The following LARP1 variants were observed in gnomAD, a reference collection of about 807,000 sequenced individuals.
LARP1 encodes the protein la-related protein 1.
LARP1 carries 36 observed loss-of-function variants against 122.7 expected under a neutral mutation model. The observed-to-expected ratio is 0.29, with a 90% CI of 0.22 to 0.39. The LOEUF is 0.39. LARP1 is among the 10% of genes least tolerant of loss of function. The pLI is 1.00. For missense variants in LARP1, 1,040 were observed against 1,403.6 expected, an observed-to-expected ratio of 0.74 and a Z score of 4.14; for synonymous variants, 539 against 528.7, an observed-to-expected ratio of 1.02 and a Z score of -0.27.
At position 154,703,120 on chromosome 5, in the gene LARP1, CAAAAAAAAAAAA is replaced by C. The variant is rs757446137; in HGVS notation, c.-180+20099_-180+20110del. 1.3e-4 allele frequency among the ~76,000 whole-genome samples: 5 copies of C among 38,758 alleles called. No homozygotes were observed. In the Admixed American group the frequency reaches 1.3e-3, roughly 10 times the overall value. 25.4% of individuals were successfully genotyped at this position (38,758 alleles called of 152,430 possible). A position where few individuals can be genotyped will look rare whatever the true frequency, so the allele number is the denominator to read the frequency against. On this transcript the variant is annotated intron_variant, in intron 1 of 18. Coordinates refer to the LARP1 transcript ENST00000687700. ...GGGGCAACAGAGTGAGACGCTGTCT[CAAAAAAAAAAAA>C]AAAAAAAAAAAAAAAGAGAGGACAC...
intron 1 of LARP1, among the ~76,000 whole-genome samples, chr5:154,759,178 A>AC (rs1255942617): frequency 1.3e-5 from 2 of 152,028 alleles, no homozygotes; most frequent in Admixed American, 6.6e-5. Flanking sequence ...TTTATGATTC[A>AC]CCTGCCTCAT....
At chr5:154,734,263 TTATTA>T (rs1443079563) in intron 1 of LARP1, among the ~76,000 whole-genome samples, 2 of 152,186 alleles carry the variant, frequency 1.3e-5, no homozygotes, top group African/African-American at 4.8e-5. Context: ...AGTATTACTA[TTATTA>T]TATTGAGATT....
At chr5:154,759,833 G>A (rs936140946) in intron 1 of LARP1, among the ~76,000 whole-genome samples, 4 of 152,172 alleles carry the variant, frequency 2.6e-5, no homozygotes, top group Admixed American at 2.0e-4. Flanking sequence ...GACATTAAAC[G>A]CTTAAAATAG....
chr5:154,801,118 C>G (rs1336156135), intron 10 of LARP1, among the ~76,000 whole-genome samples: 1 of 152,220 alleles, frequency 6.6e-6, no homozygotes, highest in Non-Finnish European at 1.5e-5. Context: ...AGGGAATCTA[C>G]TTTTGAATAA....
chr5:154,703,120 CAA>C (rs757446137), intron 1 of LARP1, among the ~76,000 whole-genome samples: 31 of 38,780 alleles, frequency 8.0e-4, no homozygotes, highest in East Asian at 3.8e-3. Flanking sequence ...GACGCTGTCT[CAA>C]AAAAAAAAAA....
chr5:154,734,955 G>GTAT (rs1756792814), intron 1 of LARP1, among the ~76,000 whole-genome samples: 1 of 152,016 alleles, frequency 6.6e-6, no homozygotes, highest in African/African-American at 2.4e-5. Flanking sequence ...ATTTCATTTA[G>GTAT]CATAATGTCT....
Position 154,803,299 on chromosome 5 carries a change from G to A in LARP1, c.2119G>A (p.Glu707Lys). ...PEYSQIKQEV[E>K]NFKKVNMISR... ...CTCATGACCTCTGCAGCAAGAAGTC[G>A]AGAACTTCAAAAAGGTCAATATGAT... The change falls in exon 12 of 19, where the codon GAG becomes AAG. Residue 707 changes from glutamate to lysine, a missense_variant. Transcript: ENST00000518297. The surrounding 1 kb of genome is among the most constrained non-coding windows in gnomAD (Gnocchi z 4.4). 6.2e-7 allele frequency: 1 copy of A among 1,614,044 alleles called. No individual in the cohort carries two copies. Among genetic ancestry groups the A allele is most frequent in the Non-Finnish European group, 8.5e-7 (1 of 1,180,002 alleles).
At chr5:154,759,518 A>C (rs549062910) in intron 1 of LARP1, among the ~76,000 whole-genome samples, 3 of 152,226 alleles carry the variant, frequency 2.0e-5, no homozygotes, top group Admixed American at 2.0e-4. Context: ...TTTTAAAAAA[A>C]TAAGTTTTAA....
intron 1 of LARP1, among the ~76,000 whole-genome samples, chr5:154,744,110 T>G (rs12522568): frequency 0.018 from 2,762 of 152,210 alleles, 33 homozygotes; most frequent in Middle Eastern, 0.034. Flanking sequence ...TTCTGTCCTC[T>G]ACCAAAGGAA....
Position 154,792,674 on chromosome 5 carries a change from T to C in LARP1, c.617T>C (p.Met206Thr). The change falls in exon 4 of 19, where the codon ATG becomes ACG. Residue 206 changes from methionine to threonine, a missense_variant. Physicochemically the swap from Met to Thr is moderately conservative, Grantham distance 81. Around this residue, in one of 8 missense-constraint regions of LARP1, gnomAD observed 257 missense variants for 273.3 expected, o/e 0.94. Transcript: ENST00000518297. ...CGTAAACTGCCACCCAAGAAGGACA[T>C]GAAGGAACAGGAGAAAGGAGAAGGG... ...PTRKLPPKKD[M>T]KEQEKGEGSD... 1 of 1,613,850 alleles carries C rather than the reference T, an allele frequency of 6.2e-7. No homozygotes were observed. Among genetic ancestry groups the C allele is most frequent in the Non-Finnish European group, 8.5e-7 (1 of 1,179,962 alleles).
chr5:154,703,954 C>T (rs1284562492), intron 1 of LARP1, among the ~76,000 whole-genome samples: 3 of 152,096 alleles, frequency 2.0e-5, no homozygotes, highest in Admixed American at 6.6e-5. Context: ...ATTCATTCAA[C>T]AAGCATTGAT....
upstream of LARP1, among the ~76,000 whole-genome samples, chr5:154,712,423 C>A (rs1254374260): frequency 1.3e-5 from 2 of 152,170 alleles, no homozygotes; most frequent in East Asian, 3.8e-4. Context: ...TGTCGACCTT[C>A]CTTGCAAGGG....
chr5:154,707,229 C>A (rs1754993464), intron 1 of LARP1, among the ~76,000 whole-genome samples: 2 of 152,046 alleles, frequency 1.3e-5, no homozygotes, highest in South Asian at 4.2e-4. Context: ...GCAATACAGC[C>A]AGACCCTATC....
intron 1 of LARP1, chr5:154,685,750 C>T (rs758066936): frequency 2.1e-6 from 1 of 474,560 alleles, no homozygotes; most frequent in Non-Finnish European, 4.1e-6. Flanking sequence ...GTGGGAGAAA[C>T]ACTTGAGGCC....
At chr5:154,804,509 C>T (rs906695477) in intron 14 of LARP1, among the ~76,000 whole-genome samples, 2 of 152,150 alleles carry the variant, frequency 1.3e-5, no homozygotes, top group Non-Finnish European at 2.9e-5. Flanking sequence ...AGTGGTGTGG[C>T]AGTCACGTGA....
In LARP1 at chr5:154,724,666, A is replaced by ATT. The variant is rs199755292; in HGVS notation, c.205+11552_205+11553dup. 5.1e-3 allele frequency among the ~76,000 whole-genome samples: 732 copies of ATT among 144,630 alleles called. 2 individuals carry two copies. The highest frequency in any genetic ancestry group is 7.3e-3 in the Non-Finnish European group (484 of 66,088). 94.9% of individuals were successfully genotyped at this position (144,630 alleles called of 152,430 possible). ...AGACTGCTCCCCAACTTCACTGGGA[A>ATT]TTTTTTTTTTTTTTTTTAGGACAAG... On this transcript the variant is annotated intron_variant, in intron 1 of 18. Transcript: ENST00000336314.
chr5:154,694,642 C>T (rs1754385249), intron 1 of LARP1, among the ~76,000 whole-genome samples: 3 of 152,022 alleles, frequency 2.0e-5, no homozygotes, highest in Admixed American at 1.3e-4. Flanking sequence ...TTTTGTGAGA[C>T]GTGTTAAGTG....
intron 1 of LARP1, among the ~76,000 whole-genome samples, chr5:154,726,838 C>T (rs1205829344): frequency 6.6e-6 from 1 of 152,152 alleles, no homozygotes; most frequent in African/African-American, 2.4e-5. Context: ...GCAGAAGTCA[C>T]CTCCGTACAG....
upstream of LARP1, among the ~76,000 whole-genome samples, chr5:154,750,689 C>A (rs1014493648): frequency 1.3e-5 from 2 of 152,240 alleles, no homozygotes; most frequent in Middle Eastern, 3.4e-3. Flanking sequence ...CTCACTGCAG[C>A]CTCCACCTCC....
Sources: gnomAD v4.1 joint callset for allele counts (sites outside exome capture counted in the v4.1 genomes callset) on GRCh38, gnomAD v4.1.1 for gene constraint, gnomAD v4.1.1 regional missense constraint, Gnocchi (gnomAD v3.1) non-coding constraint, MANE v1.5 for transcripts, NCBI Gene and HGNC (gene_info 2026-07-23, HGNC 2026-07-21) for gene names.